KHDRBS2: variants seen among roughly 807,000 people sequenced by gnomAD.
The protein encoded by KHDRBS2 is KH RNA binding domain containing, signal transduction associated 2.
In KHDRBS2, 26 loss-of-function variants were observed where a neutral mutation model predicts 44.3. The ratio of observed to expected loss-of-function variants is 0.59; its 90% CI spans 0.43 to 0.81. The LOEUF is 0.81. KHDRBS2 is among the 40% of genes least tolerant of loss of function. The pLI is 0.00. For missense variants in KHDRBS2, 476 were observed against 433.1 expected, an observed-to-expected ratio of 1.10 and a Z score of -0.88; for synonymous variants, 194 against 151.1, an observed-to-expected ratio of 1.28 and a Z score of -2.08.
At chr6:61,958,198 T>C (rs1456894822) in intron 4 of KHDRBS2, among the ~76,000 whole-genome samples, 1 of 152,104 alleles carries the variant, frequency 6.6e-6, no homozygotes, top group Non-Finnish European at 1.5e-5. Flanking sequence ...CAATATCCCT[T>C]CTATTCTTAA....
chr6:61,563,147 G>T, the KHDRBS2 span, among the ~76,000 whole-genome samples: 10 of 152,178 alleles, frequency 6.6e-5, no homozygotes, highest in African/African-American at 2.4e-4. Context: ...GTTTCTTCAA[G>T]ACTTTCTGGT....
chr6:62,105,864 G>T (rs1330571116), intron 2 of KHDRBS2, among the ~76,000 whole-genome samples: 1 of 152,190 alleles, frequency 6.6e-6, no homozygotes, highest in South Asian at 2.1e-4. Flanking sequence ...TTTTAATTGT[G>T]ATGTTAAGGT....
chr6:61,732,885 A>G, intron 6 of KHDRBS2, 121 bp from the exon 7 acceptor site: 2 of 648,386 alleles, frequency 3.1e-6, no homozygotes, highest in Middle Eastern at 5.0e-4. Flanking sequence ...GTAAGTATCC[A>G]TATATCACAT....
At chr6:62,275,900 C>T (rs554624088) in intron 1 of KHDRBS2, among the ~76,000 whole-genome samples, 1 of 152,256 alleles carries the variant, frequency 6.6e-6, no homozygotes, top group South Asian at 2.1e-4. Context: ...AGCTGCCTCT[C>T]AGAATATAAA....
intron 2 of KHDRBS2, among the ~76,000 whole-genome samples, chr6:62,149,656 T>C (rs1369813983): frequency 3.2e-5 from 4 of 125,208 alleles, no homozygotes; most frequent in Non-Finnish European, 7.6e-5. Context: ...ATATGAGAAT[T>C]AACTGATATA....
intron 1 of KHDRBS2, among the ~76,000 whole-genome samples, chr6:62,190,835 C>A (rs1824451582): frequency 6.6e-6 from 1 of 152,132 alleles, no homozygotes; most frequent in Admixed American, 6.6e-5. Context: ...GTACTCCCCA[C>A]TCTATATGCA....
the KHDRBS2 span, among the ~76,000 whole-genome samples, chr6:61,602,280 C>T: frequency 6.6e-6 from 1 of 152,150 alleles, no homozygotes. Context: ...GTGAGACAAA[C>T]CCCAGCCAAA....
At chr6:61,951,975 A>T (rs1310495709) in intron 4 of KHDRBS2, among the ~76,000 whole-genome samples, 2 of 152,040 alleles carry the variant, frequency 1.3e-5, no homozygotes, top group African/African-American at 2.4e-5. Context: ...CCAAGAGCTA[A>T]ACTGTTGATC....
the KHDRBS2 span, among the ~76,000 whole-genome samples, chr6:61,581,474 C>T: frequency 2.0e-5 from 3 of 149,854 alleles, no homozygotes; most frequent in Non-Finnish European, 4.4e-5. Flanking sequence ...ATAAAGCATC[C>T]AGGACAAGTA....
chr6:61,570,082 C>T, the KHDRBS2 span, among the ~76,000 whole-genome samples: 1 of 151,974 alleles, frequency 6.6e-6, no homozygotes, highest in Non-Finnish European at 1.5e-5. Context: ...GAAGAAATCT[C>T]TGTAGTTCTA....
At chr6:61,632,063 C>A in the KHDRBS2 span, among the ~76,000 whole-genome samples, 3 of 152,102 alleles carry the variant, frequency 2.0e-5, no homozygotes, top group African/African-American at 7.2e-5. Context: ...CACTTACATG[C>A]CCTTTATCCT....
the KHDRBS2 span, among the ~76,000 whole-genome samples, chr6:61,607,437 G>A: frequency 1.5e-5 from 2 of 136,830 alleles, no homozygotes; most frequent in Non-Finnish European, 1.5e-5. Flanking sequence ...AAATAGATAA[G>A]CCTCTGAAAT....
intron 2 of KHDRBS2, among the ~76,000 whole-genome samples, chr6:62,154,071 G>A (rs974164373): frequency 1.3e-5 from 2 of 152,100 alleles, no homozygotes; most frequent in African/African-American, 4.8e-5. Context: ...TATGATCACA[G>A]CCCTTCCCAG....
chr6:61,804,128 C>T (rs1715027), intron 6 of KHDRBS2, among the ~76,000 whole-genome samples: 42,517 of 151,976 alleles, frequency 0.28, 6,141 homozygotes, highest in South Asian at 0.35. Flanking sequence ...CTGCCACCTA[C>T]GAGTCTACAA....
At chr6:62,108,287 C>G (rs1379161110) in intron 2 of KHDRBS2, among the ~76,000 whole-genome samples, 1 of 152,068 alleles carries the variant, frequency 6.6e-6, no homozygotes, top group African/African-American at 2.4e-5. Context: ...GGGCGAAGGA[C>G]ATGAACAGAC....
the KHDRBS2 span, among the ~76,000 whole-genome samples, chr6:61,662,518 C>G: frequency 6.6e-6 from 1 of 152,090 alleles, no homozygotes; most frequent in Admixed American, 6.6e-5. Flanking sequence ...GGGCTAATAT[C>G]CAGAATCTAC....
chr6:61,796,775 T>A (rs1454849049), intron 6 of KHDRBS2, among the ~76,000 whole-genome samples: 1 of 152,148 alleles, frequency 6.6e-6, no homozygotes, highest in Non-Finnish European at 1.5e-5. Flanking sequence ...CTGACAGACA[T>A]TTAAAAGATG....
At chr6:61,687,401 C>A (rs2127540311) in intron 8 of KHDRBS2, among the ~76,000 whole-genome samples, 1 of 151,802 alleles carries the variant, frequency 6.6e-6, no homozygotes, top group South Asian at 2.1e-4. Context: ...CATTCTCAAC[C>A]CTAAAATCTT....
At chr6:61,587,038 T>A in the KHDRBS2 span, among the ~76,000 whole-genome samples, 2 of 152,210 alleles carry the variant, frequency 1.3e-5, no homozygotes, top group Non-Finnish European at 2.9e-5. Flanking sequence ...CTTGCCATTT[T>A]TATTCTCTTT....
Sources: gnomAD v4.1 joint callset for allele counts (sites outside exome capture counted in the v4.1 genomes callset) on GRCh38, gnomAD v4.1.1 for gene constraint, MANE v1.5 for transcripts, NCBI Gene and HGNC (gene_info 2026-07-23, HGNC 2026-07-21) for gene names.